Variants in SPTLC2 observed in about 807,000 individuals in gnomAD.
SPTLC2 encodes serine palmitoyltransferase long chain base subunit 2, also known as serine palmitoyltransferase 2.
In SPTLC2, 21 loss-of-function variants were observed where a neutral mutation model predicts 62.0. That is an observed-to-expected ratio of 0.34 (90% confidence interval 0.24 to 0.49). The LOEUF (loss-of-function observed/expected upper bound fraction) is 0.49. SPTLC2 is among the 20% of genes least tolerant of loss of function. The pLI is 0.99. For missense variants in SPTLC2, 511 were observed against 713.0 expected (o/e 0.72, Z 3.23); for synonymous variants, 261 against 261.8 (o/e 1.00, Z 0.03).
chr14:77,548,604 A>T (rs781202842), intron 9 of SPTLC2, among the ~76,000 whole-genome samples: 10 of 152,224 alleles, frequency 6.6e-5, no homozygotes, highest in Non-Finnish European at 1.0e-4. Context: ...GCCTGTGCTC[A>T]GTATTCCCAC....
intron 2 of SPTLC2, among the ~76,000 whole-genome samples, chr14:77,592,440 C>A (rs552744829): frequency 6.6e-6 from 1 of 152,114 alleles, no homozygotes; most frequent in African/African-American, 2.4e-5. Context: ...CGGCTGTACG[C>A]TACTTTTTGA....
At chr14:77,529,624 T>TC (rs2079427654) in intron 9 of SPTLC2, among the ~76,000 whole-genome samples, 5 of 50,930 alleles carry the variant, frequency 9.8e-5, no homozygotes, top group African/African-American at 3.9e-4. Flanking sequence ...TTCTTTCTTT[T>TC]TTTTTTTTTT....
At chr14:77,526,037 T>TA in intron 9 of SPTLC2, among the ~76,000 whole-genome samples, 1 of 152,356 alleles carries the variant, frequency 6.6e-6, no homozygotes, top group South Asian at 2.1e-4. Context: ...TGGTTTAACT[T>TA]ACTAATTTCA....
chr14:77,580,014 C>G lies in SPTLC2; in HGVS notation c.328-905G>C, dbSNP rs150397112. 5.8e-4 allele frequency among the ~76,000 whole-genome samples: 88 copies of G among 152,268 alleles called. 1 individual carries two copies. The highest frequency in any genetic ancestry group is 2.0e-3 in the African/African-American group (84 of 41,554). ...AAGACGGCTCTTCCCTCCCCACAAG[C>G]CTCCTCCCACATTAATAGATTAGGG... On this transcript the variant is annotated intron_variant, in intron 2 of 11. Coordinates refer to ENST00000216484, the MANE Select transcript of SPTLC2 (RefSeq NM_004863.4).
At chr14:77,572,033 C>A (rs7401948) in intron 4 of SPTLC2, among the ~76,000 whole-genome samples, 84,618 of 151,968 alleles carry the variant, frequency 0.56, 24,786 homozygotes, top group East Asian at 0.91. Context: ...AGAGATCCAC[C>A]CACCTTGGCC....
chr14:77,565,637 G>C (rs144507319), intron 5 of SPTLC2, among the ~76,000 whole-genome samples: 2,206 of 152,242 alleles, frequency 0.014, 35 homozygotes, highest in Admixed American at 0.045. Flanking sequence ...CCCTTCAGAA[G>C]TATTAAGGTC....
chr14:77,612,008 G>A (rs1595022440), intron 1 of SPTLC2, among the ~76,000 whole-genome samples: 1 of 152,166 alleles, frequency 6.6e-6, no homozygotes, highest in Non-Finnish European at 1.5e-5. Flanking sequence ...AACAGTAAAT[G>A]GGTCAAGAGC....
intron 2 of SPTLC2, among the ~76,000 whole-genome samples, chr14:77,593,949 T>G (rs2079832603): frequency 2.0e-5 from 3 of 152,200 alleles, no homozygotes; most frequent in African/African-American, 7.2e-5. Flanking sequence ...AAGCTGAATT[T>G]TTGTAAGAAA....
chr14:77,558,187 A>C (rs1220009542), intron 6 of SPTLC2, among the ~76,000 whole-genome samples: 1 of 151,856 alleles, frequency 6.6e-6, no homozygotes, highest in Non-Finnish European at 1.5e-5. Context: ...AGCTCGGATT[A>C]CCAGCACCCG....
chr14:77,555,592 C>CAATAATAAA, intron 7 of SPTLC2, 73 bp from the exon 8 acceptor site: 1 of 1,423,714 alleles, frequency 7.0e-7, no homozygotes, highest in Non-Finnish European at 9.7e-7. Context: ...GGGAGTTTGG[C>CAATAATAAA]ACTTCATTAT....
chr14:77,545,010 C>G (rs182786663), intron 9 of SPTLC2, among the ~76,000 whole-genome samples: 108 of 152,232 alleles, frequency 7.1e-4, no homozygotes, highest in Non-Finnish European at 1.2e-3. Context: ...CTCTCTCCCC[C>G]ACTGGAAGAC....
chr14:77,573,927 C>T (rs1332211363), intron 4 of SPTLC2, among the ~76,000 whole-genome samples: 7 of 152,144 alleles, frequency 4.6e-5, no homozygotes, highest in South Asian at 2.1e-4. Context: ...CCACTGTGCC[C>T]GGCCAGAAGA....
At chr14:77,559,987 C>T (rs1245351102) in intron 6 of SPTLC2, among the ~76,000 whole-genome samples, 2 of 151,492 alleles carry the variant, frequency 1.3e-5, no homozygotes, top group Non-Finnish European at 1.5e-5. Context: ...TTGAAAATGG[C>T]CAATTTATAA....
intron 11 of SPTLC2, among the ~76,000 whole-genome samples, chr14:77,513,895 C>CAAA (rs35769140): frequency 0.21 from 22,044 of 105,838 alleles, 3,243 homozygotes; most frequent in East Asian, 0.3. Flanking sequence ...AACTCTGTCT[C>CAAA]AAAAAAAAAA....
At position 77,594,845 on chromosome 14, in the gene SPTLC2, TAAAG is replaced by T. The variant is rs559965826; in HGVS notation, c.327+2337_327+2340del. 3.5e-4 allele frequency among the ~76,000 whole-genome samples: 54 copies of T among 152,126 alleles called. No individual in the cohort carries two copies. In the East Asian group the frequency reaches 9.9e-3, roughly 28 times the overall value. The stretch of plus-strand genomic sequence containing the variant: ...CTACACTAGGAGAGGTCCCTGCAGA[TAAAG>T]AGTTTTTAGTTTGAATATTTAAATA... On this transcript the variant is annotated intron_variant, in intron 2 of 11. Coordinates refer to ENST00000216484, the MANE Select transcript of SPTLC2 (RefSeq NM_004863.4).
chr14:77,600,477 C>G (rs2079871104), intron 1 of SPTLC2, among the ~76,000 whole-genome samples: 2 of 152,178 alleles, frequency 1.3e-5, no homozygotes, highest in South Asian at 4.1e-4. Flanking sequence ...TAAATCTTAT[C>G]TTTCACATGA....
intron 10 of SPTLC2, among the ~76,000 whole-genome samples, chr14:77,521,197 T>G (rs528946358): frequency 6.6e-6 from 1 of 152,348 alleles, no homozygotes; most frequent in South Asian, 2.1e-4. Flanking sequence ...GACAGAGATG[T>G]TTGTATTTTA....
chr14:77,616,003 T>C (rs906373432), intron 1 of SPTLC2, among the ~76,000 whole-genome samples: 3 of 152,178 alleles, frequency 2.0e-5, no homozygotes, highest in African/African-American at 7.2e-5. Flanking sequence ...CTAATTTTCT[T>C]TGCTTCTTAA....
chr14:77,525,494 G>A (rs1358243168), intron 9 of SPTLC2, among the ~76,000 whole-genome samples: 1 of 152,108 alleles, frequency 6.6e-6, no homozygotes, highest in Admixed American at 6.5e-5. Context: ...GGAGGCTGAG[G>A]CAGGAGAATT....
Sources: gnomAD v4.1 joint callset for allele counts (sites outside exome capture counted in the v4.1 genomes callset) on GRCh38, gnomAD v4.1.1 for gene constraint, MANE v1.5 for transcripts, NCBI Gene and HGNC (gene_info 2026-07-23, HGNC 2026-07-21) for gene names.